The following ASIC2 variants were observed in gnomAD, a reference collection of about 807,000 sequenced individuals.
The protein encoded by ASIC2 is acid-sensing ion channel 2.
In ASIC2, 25 loss-of-function variants were observed where a neutral mutation model predicts 57.3. The observed-to-expected ratio is 0.44, with a 90% CI of 0.32 to 0.61. The LOEUF is 0.61. ASIC2 is among the 20% of genes least tolerant of loss of function. ASIC2 has a pLI of 0.06. For missense variants in ASIC2, 641 were observed against 738.1 expected, an observed-to-expected ratio of 0.87 and a Z score of 1.52; for synonymous variants, 319 against 307.5, an observed-to-expected ratio of 1.04 and a Z score of -0.39.
chr17:33,985,222 G>A (rs1905774105), intron 1 of ASIC2, among the ~76,000 whole-genome samples: 1 of 152,162 alleles, frequency 6.6e-6, no homozygotes. Flanking sequence ...ATAGGCAGAT[G>A]AGCACTTGGG....
chr17:34,084,743 G>C (rs1021013232), intron 1 of ASIC2, among the ~76,000 whole-genome samples: 3 of 152,138 alleles, frequency 2.0e-5, no homozygotes, highest in African/African-American at 7.2e-5. Context: ...AGTTCTCCTT[G>C]AAGAGGTCCT....
intron 1 of ASIC2, among the ~76,000 whole-genome samples, chr17:33,158,106 GTTTTA>G (rs1195859084): frequency 1.3e-5 from 2 of 152,118 alleles, no homozygotes; most frequent in Admixed American, 1.3e-4. Flanking sequence ...CTCCTCTCCT[GTTTTA>G]TTTTTTCTCC....
intron 1 of ASIC2, among the ~76,000 whole-genome samples, chr17:33,450,413 T>G (rs1427549188): frequency 6.6e-6 from 1 of 152,224 alleles, no homozygotes; most frequent in African/African-American, 2.4e-5. Flanking sequence ...GGTTGTTCTC[T>G]TTCCACTTTT....
chr17:33,632,064 G>A (rs1906190314), intron 1 of ASIC2, among the ~76,000 whole-genome samples: 1 of 152,112 alleles, frequency 6.6e-6, no homozygotes, highest in African/African-American at 2.4e-5. Flanking sequence ...GACAGAACTG[G>A]GTTCAATTCC....
At chr17:33,268,232 A>G (rs1331943409) in intron 1 of ASIC2, among the ~76,000 whole-genome samples, 1 of 152,024 alleles carries the variant, frequency 6.6e-6, no homozygotes. Flanking sequence ...TTTCCAATAT[A>G]ATCCCTTTTG....
intron 1 of ASIC2, among the ~76,000 whole-genome samples, chr17:34,121,073 T>C (rs1911605424): frequency 1.3e-5 from 2 of 151,976 alleles, no homozygotes; most frequent in Admixed American, 1.3e-4. Context: ...AGGAGAAATA[T>C]ACAGGGAGAA....
At chr17:33,923,088 C>T (rs902557) in intron 1 of ASIC2, among the ~76,000 whole-genome samples, 50,080 of 152,016 alleles carry the variant, frequency 0.33, 8,834 homozygotes, top group Admixed American at 0.4. Context: ...AGCAAGAGCA[C>T]ATGGAACCTG....
chr17:33,134,526 T>A (rs943975708), intron 1 of ASIC2, among the ~76,000 whole-genome samples: 7 of 152,252 alleles, frequency 4.6e-5, no homozygotes, highest in African/African-American at 1.7e-4. Context: ...GTGTGAGGAT[T>A]TAAAGTTCCT....
At chr17:33,405,984 G>T (rs1670464104) in intron 1 of ASIC2, among the ~76,000 whole-genome samples, 1 of 151,700 alleles carries the variant, frequency 6.6e-6, no homozygotes, top group African/African-American at 2.4e-5. Context: ...ACTTTCCCCT[G>T]CCCTGCCTTT....
At chr17:33,896,496 T>C (rs2037544087) in intron 1 of ASIC2, among the ~76,000 whole-genome samples, 1 of 148,372 alleles carries the variant, frequency 6.7e-6, no homozygotes, top group Non-Finnish European at 1.5e-5. Context: ...AGTCCTCAGC[T>C]GTGCAATGGA....
intron 1 of ASIC2, among the ~76,000 whole-genome samples, chr17:34,067,751 C>T (rs545746755): frequency 1.6e-4 from 24 of 152,132 alleles, no homozygotes; most frequent in African/African-American, 2.7e-4. Context: ...AAATGGCTAA[C>T]GTGGAAAGAC....
At chr17:33,352,210 G>T (rs1172977847) in intron 1 of ASIC2, among the ~76,000 whole-genome samples, 1 of 152,066 alleles carries the variant, frequency 6.6e-6, no homozygotes, top group Non-Finnish European at 1.5e-5. Context: ...TGGATACCTG[G>T]CAGGGACTTC....
At chr17:33,350,588 A>G (rs780631539) in intron 1 of ASIC2, among the ~76,000 whole-genome samples, 2 of 152,040 alleles carry the variant, frequency 1.3e-5, no homozygotes, top group Non-Finnish European at 2.9e-5. Flanking sequence ...AGGCTGAGGC[A>G]CGAGAATGGC....
chr17:33,260,431 T>C (rs1474922738), intron 1 of ASIC2, among the ~76,000 whole-genome samples: 1 of 152,166 alleles, frequency 6.6e-6, no homozygotes, highest in East Asian at 1.9e-4. Flanking sequence ...CTGAGCTTCC[T>C]AGGGCTCCCC....
At chr17:33,533,760 A>G (rs571666405) in intron 1 of ASIC2, 1 of 152,328 alleles carries the variant, frequency 6.6e-6, no homozygotes, top group South Asian at 2.1e-4. Flanking sequence ...GCCGGATGGA[A>G]GATAAGCTGC....
chr17:33,799,373 T>TCTTC (rs1555562443), intron 1 of ASIC2, among the ~76,000 whole-genome samples: 27 of 113,088 alleles, frequency 2.4e-4, no homozygotes, highest in African/African-American at 3.8e-4. Context: ...TTTCTTTCTT[T>TCTTC]CTTCCTTTCT....
At chr17:33,571,281 C>T (rs779999428) in intron 1 of ASIC2, among the ~76,000 whole-genome samples, 2 of 152,174 alleles carry the variant, frequency 1.3e-5, no homozygotes, top group Non-Finnish European at 2.9e-5. Context: ...TGCACATCAT[C>T]CTGTCGCATA....
chr17:33,030,892 T>C (rs2091880253), intron 3 of ASIC2, among the ~76,000 whole-genome samples: 1 of 152,190 alleles, frequency 6.6e-6, no homozygotes, highest in South Asian at 2.1e-4. Context: ...CCGCCTTATA[T>C]GTTGCTCTAT....
chr17:33,232,410 G>C (rs927151949), intron 1 of ASIC2, among the ~76,000 whole-genome samples: 6 of 144,658 alleles, frequency 4.1e-5, no homozygotes, highest in Non-Finnish European at 8.9e-5. Context: ...GTATGGAATG[G>C]TATGGTATGG....
Sources: allele counts gnomAD v4.1 joint callset (sites outside exome capture counted in the v4.1 genomes callset), GRCh38; gene constraint gnomAD v4.1.1; transcripts MANE v1.5; gene names NCBI Gene and HGNC (gene_info 2026-07-23, HGNC 2026-07-21).